Variants in CHL1 observed in about 807,000 individuals in gnomAD.
CHL1 encodes the protein cell adhesion molecule L1 like.
CHL1 carries 96 observed loss-of-function variants against 141.9 expected under a neutral mutation model. The observed-to-expected ratio is 0.68, with a 90% CI of 0.57 to 0.80. The LOEUF (loss-of-function observed/expected upper bound fraction) is 0.80. Among genes scored for constraint, CHL1 ranks in the 30% least tolerant of loss-of-function variants. The pLI is 0.00. For missense variants in CHL1, 1,820 were observed against 1,457.2 expected (o/e 1.25, Z -4.05); for synonymous variants, 613 against 502.2 (o/e 1.22, Z -2.95).
At position 218,566 on chromosome 3, in the gene CHL1, C is replaced by T. The variant is rs139190990; in HGVS notation, c.-175+21503C>T. Among the ~76,000 whole-genome samples, 34 of 152,246 alleles carry T rather than the reference C, an allele frequency of 2.2e-4. 1 individual carries two copies. The East Asian group carries it at 6.6e-3, about 29-fold the overall frequency. On this transcript the variant is annotated intron_variant, in intron 1 of 27. Coordinates refer to ENST00000256509, the MANE Select transcript of CHL1 (RefSeq NM_006614.4). ...ATGTTGACTTTAGCACAAATTCCTG[C>T]CCTAAGTTTTAGCCCATATATTGAT...
At chr3:353,778 C>T (rs530426252) in intron 10 of CHL1, among the ~76,000 whole-genome samples, 2 of 152,104 alleles carry the variant, frequency 1.3e-5, no homozygotes, top group African/African-American at 2.4e-5. Flanking sequence ...GGGGAAATAA[C>T]CAAACTACAC....
At chr3:348,799 T>C (rs1702984481) in intron 9 of CHL1, among the ~76,000 whole-genome samples, 1 of 152,198 alleles carries the variant, frequency 6.6e-6, no homozygotes, top group Non-Finnish European at 1.5e-5. Context: ...TGCTGCAGAT[T>C]CCAGCTTGCC....
At chr3:375,103 A>T (rs1313784981) in intron 15 of CHL1, among the ~76,000 whole-genome samples, 4 of 152,096 alleles carry the variant, frequency 2.6e-5, no homozygotes, top group Admixed American at 1.3e-4. Context: ...TAATACTATT[A>T]GGTAGATTGA....
intron 3 of CHL1, among the ~76,000 whole-genome samples, chr3:324,569 G>A (rs369818391): frequency 1.5e-4 from 22 of 151,688 alleles, no homozygotes; most frequent in African/African-American, 3.1e-4. Context: ...ATGTAATCTC[G>A]CTGCTCTACT....
At chr3:402,468 G>A (rs1221125943) in intron 27 of CHL1, among the ~76,000 whole-genome samples, 1 of 152,016 alleles carries the variant, frequency 6.6e-6, no homozygotes, top group East Asian at 1.9e-4. Flanking sequence ...TTGTTGTAAT[G>A]TCATCATTTT....
chr3:242,469 G>A (rs11129069), intron 1 of CHL1, among the ~76,000 whole-genome samples: 127,250 of 145,934 alleles, frequency 0.87, 55,604 homozygotes, highest in East Asian at 0.97. Flanking sequence ...GGTGGTGGGC[G>A]CCTGTAGTCC....
At chr3:271,445 A>G (rs1039439882) in intron 2 of CHL1, among the ~76,000 whole-genome samples, 2 of 152,214 alleles carry the variant, frequency 1.3e-5, no homozygotes, top group Admixed American at 6.5e-5. Flanking sequence ...TCTCAAAAAA[A>G]TCATTGCACT....
chr3:286,284 G>A (rs1167393052), intron 2 of CHL1, among the ~76,000 whole-genome samples: 2 of 152,194 alleles, frequency 1.3e-5, no homozygotes, highest in East Asian at 1.9e-4. Flanking sequence ...AGAATTTGGG[G>A]CAAGTCCATA....
At chr3:266,067 G>T (rs1446483983) in intron 2 of CHL1, among the ~76,000 whole-genome samples, 2 of 152,206 alleles carry the variant, frequency 1.3e-5, no homozygotes, top group Non-Finnish European at 1.5e-5. Context: ...ATATGGTGAG[G>T]TTAGTAGCAT....
intron 2 of CHL1, among the ~76,000 whole-genome samples, chr3:317,123 C>A (rs1700204738): frequency 6.6e-6 from 1 of 151,920 alleles, no homozygotes; most frequent in African/African-American, 2.4e-5. Context: ...ATACAAATTT[C>A]AGGTAAATTG....
At chr3:297,816 G>T (rs1215533065) in intron 2 of CHL1, among the ~76,000 whole-genome samples, 1 of 152,142 alleles carries the variant, frequency 6.6e-6, no homozygotes, top group Admixed American at 6.6e-5. Flanking sequence ...CAGACCCTTG[G>T]TTAACAACAG....
At chr3:334,276 A>T (rs1008169008) in intron 5 of CHL1, among the ~76,000 whole-genome samples, 1 of 152,160 alleles carries the variant, frequency 6.6e-6, no homozygotes, top group African/African-American at 2.4e-5. Flanking sequence ...GGCTCAGGTG[A>T]TCCTCCTGCT....
chr3:198,819 G>T (rs1698652823), intron 1 of CHL1, among the ~76,000 whole-genome samples: 3 of 152,138 alleles, frequency 2.0e-5, no homozygotes, highest in African/African-American at 7.2e-5. Context: ...ATTAAAATAT[G>T]AATATTTGTA....
chr3:274,883 C>T (rs1388146781), intron 2 of CHL1, among the ~76,000 whole-genome samples: 4 of 152,190 alleles, frequency 2.6e-5, no homozygotes, highest in African/African-American at 9.7e-5. Context: ...TCTGTATATA[C>T]TACTGTGATC....
chr3:197,946 G>A, intron 1 of CHL1: 1 of 382,602 alleles, frequency 2.6e-6, no homozygotes, highest in African/African-American at 2.1e-5. Context: ...GGGGAGCAGG[G>A]ATTGGAGCCG....
intron 2 of CHL1, among the ~76,000 whole-genome samples, chr3:294,043 G>T (rs1198323258): frequency 6.6e-6 from 1 of 152,122 alleles, no homozygotes; most frequent in Non-Finnish European, 1.5e-5. Flanking sequence ...TACAGGCTGG[G>T]AGCAGTGGCT....
intron 1 of CHL1, among the ~76,000 whole-genome samples, chr3:235,011 T>C (rs1372405848): frequency 6.6e-6 from 1 of 150,938 alleles, no homozygotes; most frequent in Non-Finnish European, 1.5e-5. Context: ...ATTATTATTA[T>C]TTGTAATTAT....
intron 2 of CHL1, among the ~76,000 whole-genome samples, chr3:317,844 C>T (rs970054103): frequency 6.6e-6 from 1 of 151,686 alleles, no homozygotes; most frequent in African/African-American, 2.4e-5. Flanking sequence ...TGTTTTATTT[C>T]ATTGATTAGG....
chr3:267,085 A>G (rs552750234), intron 2 of CHL1, among the ~76,000 whole-genome samples: 15 of 152,246 alleles, frequency 9.9e-5, no homozygotes, highest in African/African-American at 3.4e-4. Context: ...TTTTTGCAGT[A>G]TGTATTTCCT....
Sources: gnomAD v4.1 joint callset for allele counts (sites outside exome capture counted in the v4.1 genomes callset) on GRCh38, gnomAD v4.1.1 for gene constraint, MANE v1.5 for transcripts, NCBI Gene and HGNC (gene_info 2026-07-23, HGNC 2026-07-21) for gene names.